The following SLC7A7 variants were observed in gnomAD, a reference collection of about 807,000 sequenced individuals.
SLC7A7 encodes the protein Y+L amino acid transporter 1.
SLC7A7 carries 39 observed loss-of-function variants against 47.9 expected under a neutral mutation model. That is an observed-to-expected ratio of 0.81 (90% CI 0.63 to 1.06). The LOEUF (loss-of-function observed/expected upper bound fraction) is 1.06, where lower values mean the gene tolerates loss of function less well. Among genes scored for constraint, SLC7A7 ranks in the 50% least tolerant of loss-of-function variants. SLC7A7 has a pLI of 0.00. For synonymous variants in SLC7A7, 234 were observed against 242.8 expected (o/e 0.96, Z 0.34); for missense variants, 588 against 632.0 (o/e 0.93, Z 0.75).
intron 2 of SLC7A7, among the ~76,000 whole-genome samples, chr14:22,809,586 C>G (rs546326816): frequency 1.7e-4 from 26 of 152,130 alleles, no homozygotes; most frequent in African/African-American, 6.0e-4. Flanking sequence ...CGTGATCCAC[C>G]CATCTCGGCC....
chr14:22,785,669 G>A (rs995522522), intron 2 of SLC7A7, among the ~76,000 whole-genome samples: 1 of 149,970 alleles, frequency 6.7e-6, no homozygotes, highest in South Asian at 2.1e-4. Flanking sequence ...TGGAGGTTGC[G>A]GTGAACTGAG....
Position 22,773,327 on chromosome 14 carries a change from G to A in SLC7A7, c.*283C>T, listed in dbSNP as rs1279150527. ...TTGTGGGCCCTTTTAAAAGAAAAGA[G>A]GAGTAGGTAGGCACACCCAGGTGCT... On this transcript the variant is annotated 3_prime_UTR_variant, in exon 10 of 10. Coordinates refer to ENST00000674313, the MANE Select transcript of SLC7A7 (RefSeq NM_003982.4). The A allele has an allele frequency of 1.9e-6, 1 of 540,146 alleles. No homozygotes were observed. The highest frequency in any genetic ancestry group is 3.5e-6 in the Non-Finnish European group (1 of 283,666). The allele number at this position is 540,146 out of a possible 1,614,324, so 33.5% of individuals were successfully genotyped here.
upstream of SLC7A7, chr14:22,816,027 C>A (rs904626614): frequency 4.6e-6 from 1 of 216,558 alleles, no homozygotes; most frequent in Non-Finnish European, 9.6e-6. Flanking sequence ...AAGTCTGAGC[C>A]TCAGACTACT....
At chr14:22,805,381 T>C (rs1348681405) in intron 2 of SLC7A7, among the ~76,000 whole-genome samples, 3 of 151,924 alleles carry the variant, frequency 2.0e-5, no homozygotes, top group Non-Finnish European at 4.4e-5. Flanking sequence ...AAAAGAAAGG[T>C]ACGGCAAGTA....
intron 9 of SLC7A7, 107 bp from the exon 10 acceptor site, chr14:22,773,823 G>C (rs1333559294): frequency 1.3e-6 from 2 of 1,550,040 alleles, no homozygotes; most frequent in East Asian, 2.2e-5. Context: ...TAAGCCGAAG[G>C]GTTCATAAGA....
chr14:22,805,113 A>G (rs60666988), intron 2 of SLC7A7, among the ~76,000 whole-genome samples: 55,661 of 151,758 alleles, frequency 0.37, 11,896 homozygotes, highest in Non-Finnish European at 0.47. Flanking sequence ...CATGCCTGTA[A>G]TCCCAGCACT....
At chr14:22,802,352 A>G (rs2039130303) in intron 2 of SLC7A7, among the ~76,000 whole-genome samples, 1 of 152,060 alleles carries the variant, frequency 6.6e-6, no homozygotes, top group Non-Finnish European at 1.5e-5. Context: ...GCAGTGAGCC[A>G]AGATCCTGCT....
Position 22,810,639 on chromosome 14 carries a change from A to G in SLC7A7, c.499+2261T>C, listed in dbSNP as rs896409780. Among the ~76,000 whole-genome samples the G allele has an allele frequency of 4.6e-5, 7 of 152,156 alleles. No homozygotes were observed. In the East Asian group the frequency reaches 1.4e-3, roughly 29 times the overall value. On this transcript the variant is annotated intron_variant, in intron 2 of 9. Transcript: ENST00000674313. ...TAGTTTTGCCAGTAAGCAACCTACCAGATCATCTGCAAGTAATGCAAGAGA... is the reference window on the plus strand; with the variant it reads ...TAGTTTTGCCAGTAAGCAACCTACCGGATCATCTGCAAGTAATGCAAGAGA...
chr14:22,797,446 A>G (rs1210981468), intron 2 of SLC7A7, among the ~76,000 whole-genome samples: 1 of 152,192 alleles, frequency 6.6e-6, no homozygotes, highest in East Asian at 1.9e-4. Context: ...TATATTGAGT[A>G]CCCACTGTGT....
rs138454410 is a variant in SLC7A7, at chr14:22,779,945, G to A, written c.606C>T (p.Gly202=). ...VLALIAVIVA[G]IVRLGQGAST... ...TCTTACCCTGGCCAAGTCTAACAATGCCTGCAACGATGACCGCGATCAGTG... is the reference window on the plus strand; with the variant it reads ...TCTTACCCTGGCCAAGTCTAACAATACCTGCAACGATGACCGCGATCAGTG... Residue 202 remains glycine (G), a synonymous_variant, in exon 3 of 10, where the codon GGC becomes GGT. Transcript: ENST00000674313. The A allele has an allele frequency of 3.7e-6, 6 of 1,614,012 alleles. No homozygotes were observed. Among genetic ancestry groups the A allele is most frequent in the African/African-American group, 2.7e-5 (2 of 74,910 alleles).
At chr14:22,804,676 C>T (rs1032150603) in intron 2 of SLC7A7, among the ~76,000 whole-genome samples, 3 of 152,150 alleles carry the variant, frequency 2.0e-5, no homozygotes, top group African/African-American at 7.2e-5. Flanking sequence ...CATCTCACGT[C>T]AGTCAGAATG....
chr14:22,818,024 C>CA (rs775030790), upstream of SLC7A7, among the ~76,000 whole-genome samples: 534 of 139,240 alleles, frequency 3.8e-3, 2 homozygotes, highest in East Asian at 0.012. Flanking sequence ...CTAAAGCAAA[C>CA]AAAAAAAAAA....
intron 2 of SLC7A7, among the ~76,000 whole-genome samples, chr14:22,808,556 T>C (rs898858965): frequency 6.6e-6 from 1 of 152,098 alleles, no homozygotes; most frequent in Non-Finnish European, 1.5e-5. Flanking sequence ...CCCGTAATCC[T>C]AGCACTTTGG....
At chr14:22,792,317 C>T (rs116340587) in intron 2 of SLC7A7, among the ~76,000 whole-genome samples, 1,594 of 152,258 alleles carry the variant, frequency 0.01, 33 homozygotes, top group African/African-American at 0.036. Context: ...AATCCCAGCA[C>T]TTTGGAAGGC....
chr14:22,774,512 G>A lies in SLC7A7; in HGVS notation c.1096-9C>T, dbSNP rs372902902. The A allele has an allele frequency of 1.7e-5, 28 of 1,614,114 alleles. No homozygotes were observed. The highest frequency in any genetic ancestry group is 2.1e-5 in the Non-Finnish European group (25 of 1,180,026). On this transcript the variant is annotated splice_polypyrimidine_tract_variant and intron_variant, in intron 7 of 9. Coordinates refer to ENST00000674313, the MANE Select transcript of SLC7A7 (RefSeq NM_003982.4). ...ATCAATGCCATGATACCCTGTAAGC[G>A]TGAGCCTAAGTCAGCTCTTCTCAGG... is the stretch of plus-strand genomic sequence containing the variant.
chr14:22,786,921 G>A (rs2139409929), intron 2 of SLC7A7, among the ~76,000 whole-genome samples: 1 of 152,278 alleles, frequency 6.6e-6, no homozygotes, highest in East Asian at 1.9e-4. Flanking sequence ...GGGCAACACA[G>A]TAAGATCCTT....
intron 2 of SLC7A7, among the ~76,000 whole-genome samples, chr14:22,803,633 G>A (rs1268186641): frequency 1.3e-5 from 2 of 152,228 alleles, no homozygotes; most frequent in Admixed American, 1.3e-4. Flanking sequence ...AAGAAGGCCA[G>A]TGTAGCTGGA....
At chr14:22,778,313 A>C (rs537744167) in intron 4 of SLC7A7, among the ~76,000 whole-genome samples, 1 of 152,200 alleles carries the variant, frequency 6.6e-6, no homozygotes, top group South Asian at 2.1e-4. Context: ...CTCTATATAT[A>C]GACTACAGAG....
chr14:22,774,380 C>T lies in SLC7A7; in HGVS notation c.1219G>A (p.Glu407Lys), dbSNP rs1288195057. 1 of 1,614,124 alleles carries T rather than the reference C, an allele frequency of 6.2e-7. No individual in the cohort carries two copies. Among genetic ancestry groups the T allele is most frequent in the Non-Finnish European group, 8.5e-7 (1 of 1,180,036 alleles). The change falls in exon 8 of 10, where the codon GAG becomes AAG. Residue 407 changes from glutamate to lysine, a missense_variant. Coordinates refer to ENST00000674313, the MANE Select transcript of SLC7A7 (RefSeq NM_003982.4). ...TTGAGGGGACGAGGTCGATCAGGCT[C>T]CTTCCAGCGCAGATAAAGCTGACCC... ...IVGQLYLRWK[E>K]PDRPRPLKLS...
Sources: allele counts gnomAD v4.1 joint callset (sites outside exome capture counted in the v4.1 genomes callset), GRCh38; gene constraint gnomAD v4.1.1; transcripts MANE v1.5; gene names NCBI Gene and HGNC (gene_info 2026-07-23, HGNC 2026-07-21).